Variants in DPH3 observed in about 807,000 individuals in gnomAD.
DPH3 encodes the protein diphthamide biosynthesis 3, also known as diphthamide biosynthesis protein 3.
A neutral mutation model predicts 10.2 loss-of-function variants in DPH3; 8 were observed. That is an observed-to-expected ratio of 0.79 (90% CI 0.46 to 1.42). DPH3 has a LOEUF of 1.42. Among genes scored for constraint, DPH3 ranks in the 40% most tolerant of loss-of-function variants. The probability of loss-of-function intolerance (pLI) is 0.00; values close to 1 mark genes in which losing one functional copy is unlikely to be tolerated. For synonymous variants in DPH3, 35 were observed against 35.6 expected, an observed-to-expected ratio of 0.98 and a Z score of 0.06; for missense variants, 96 against 98.9, an observed-to-expected ratio of 0.97 and a Z score of 0.12.
At chr3:16,264,602 G>A (rs2064362601) in intron 1 of DPH3, 167 bp downstream of exon 1, 4 of 687,146 alleles carry the variant, frequency 5.8e-6, no homozygotes, top group Non-Finnish European at 9.8e-6. Flanking sequence ...TACCGAGAGA[G>A]CTCAGGGCAT....
rs1470875493 is a variant in DPH3, at chr3:16,264,823, G to A, written c.54C>T (p.Asp18=). 1.2e-6 allele frequency: 2 copies of A among 1,614,220 alleles called. No individual in the cohort carries two copies. The highest frequency in any genetic ancestry group is 1.7e-6 in the Non-Finnish European group (2 of 1,180,048). Residue 18 remains aspartate, a synonymous_variant, in exon 1 of 3, where the codon GAC becomes GAT. Coordinates refer to ENST00000488423, the MANE Select transcript of DPH3 (RefSeq NM_206831.3). ...VEIEDFQYDE[D]SETYFYPCPC... is the part of the protein sequence containing the mutation. The stretch of plus-strand genomic sequence containing the variant: ...GGCAGGGATAGAAATACGTCTCCGA[G>A]TCCTCGTCATATTGGAAGTCCTCGA...
Position 16,264,183 on chromosome 3 carries a change from G to A in DPH3, c.155C>T (p.Ser52Phe). The change falls in exon 2 of 3, where the codon TCT (serine) becomes TTT (phenylalanine). Residue 52 changes from serine to phenylalanine, a missense_variant. By Grantham distance (155) the Ser-to-Phe change is radical. Transcript: ENST00000488423. The part of the protein sequence containing the change: ...GEDVATCPSC[S>F]LIIKVIYDKD... ...GTCATAAATCACTTTTATAATGAGAGAGCAGCTAGGACACGTTGCCACGTC... is the reference window on the plus strand; with the variant it reads ...GTCATAAATCACTTTTATAATGAGAAAGCAGCTAGGACACGTTGCCACGTC... The A allele has an allele frequency of 5.6e-6, 9 of 1,611,016 alleles. No homozygotes were observed. Among genetic ancestry groups the A allele is most frequent in the Non-Finnish European group, 7.6e-6 (9 of 1,177,984 alleles).
rs1243179965 is a variant in DPH3 at position 16,259,034 on chromosome 3, G to A, written c.*1730C>T. 1 of 152,182 alleles carries A rather than the reference G, an allele frequency of 6.6e-6. No individual in the cohort carries two copies. Among genetic ancestry groups the A allele is most frequent in the East Asian group, 1.9e-4 (1 of 5,198 alleles). 9.4% of individuals were successfully genotyped at this position (152,182 alleles called of 1,614,324 possible). On this transcript the variant is annotated 3_prime_UTR_variant, in exon 3 of 3. Coordinates refer to ENST00000488423, the MANE Select transcript of DPH3 (RefSeq NM_206831.3). The stretch of plus-strand genomic sequence containing the variant: ...ACCCACATCAAGGGTGTCTGTTCGT[G>A]TTTGAAACTCATCAGCATCAGAAAG...
At chr3:16,264,477 T>C (rs373785378) in intron 1 of DPH3, 2 of 539,316 alleles carry the variant, frequency 3.7e-6, no homozygotes, top group Non-Finnish European at 3.3e-6. Flanking sequence ...AAAAAACGAG[T>C]CCCCTCCTCG....
Position 16,260,724 on chromosome 3 carries a change from T to G in DPH3, c.*40A>C, listed in dbSNP as rs186215216. On this transcript the variant is annotated 3_prime_UTR_variant, in exon 3 of 3. Transcript: ENST00000488423. ...TTGCATTCGATATTTCTATCTGGGC[T>G]CATTCCAAATGTTCAGGATTTGGAT... is the stretch of plus-strand genomic sequence containing the variant. The G allele has an allele frequency of 8.3e-6, 13 of 1,561,934 alleles. No individual in the cohort carries two copies. Among genetic ancestry groups the G allele is most frequent in the Non-Finnish European group, 1.1e-5 (13 of 1,134,736 alleles).
chr3:16,260,697 CT>C lies in DPH3; in HGVS notation c.*66del. On this transcript the variant is annotated 3_prime_UTR_variant, in exon 3 of 3. Transcript: ENST00000488423. ...ATGGTTGTCTCTGTGAAGCCAGTAG[CT>C]TTGCATTCGATATTTCTATCTGGGC... The C allele has an allele frequency of 2.8e-6, 4 of 1,413,602 alleles. No homozygotes were observed. Among genetic ancestry groups the C allele is most frequent in the Non-Finnish European group, 4.0e-6 (4 of 1,008,586 alleles). The allele number at this position is 1,413,602 out of a possible 1,614,324, so 87.6% of individuals were successfully genotyped here.
rs563295195 is a variant in DPH3 at position 16,259,279 on chromosome 3, T to G, written c.*1485A>C. The G allele has an allele frequency of 5.1e-4, 78 of 152,372 alleles. No homozygotes were observed. The highest frequency in any genetic ancestry group is 1.6e-3 in the African/African-American group (65 of 41,592). 9.4% of individuals were successfully genotyped at this position (152,372 alleles called of 1,614,324 possible). On this transcript the variant is annotated 3_prime_UTR_variant, in exon 3 of 3. Coordinates refer to ENST00000488423, the MANE Select transcript of DPH3 (RefSeq NM_206831.3). ...ATCCAGAATATGCCACATAATGTAC[T>G]GAGCATTTTCAGCTCGGTACATTAT...
Position 16,260,788 on chromosome 3 carries a change from G to A in DPH3, c.225C>T (p.Ala75=). ...TTCAGCATTTAACTAATTCTTTGTT[G>A]GCTGAAGGGGCTGGGACTGTTTCTC... is the stretch of plus-strand genomic sequence containing the variant. ...VCGETVPAPS[A]NKELVKC The change falls in exon 3 of 3, where the codon GCC becomes GCT. Residue 75 remains alanine, a synonymous_variant. Transcript: ENST00000488423. 1 of 1,613,752 alleles carries A rather than the reference G, an allele frequency of 6.2e-7. No homozygotes were observed. The highest frequency in any genetic ancestry group is 8.5e-7 in the Non-Finnish European group (1 of 1,179,764).
rs2064256173 is a variant in DPH3 at position 16,257,235 on chromosome 3, A to G, written c.*3529T>C. ...TTAGCTGTCATGTTTTATAGATACT[A>G]GCTCATTTAATCATTTTCACAAGGC... is the stretch of plus-strand genomic sequence containing the variant. On this transcript the variant is annotated 3_prime_UTR_variant, in exon 3 of 3. Coordinates refer to ENST00000488423, the MANE Select transcript of DPH3 (RefSeq NM_206831.3). Among the ~76,000 whole-genome samples, 1 of 152,208 alleles carries G rather than the reference A, an allele frequency of 6.6e-6. No individual in the cohort carries two copies. Among genetic ancestry groups the G allele is most frequent in the African/African-American group, 2.4e-5 (1 of 41,444 alleles).
At position 16,259,842 on chromosome 3, in the gene DPH3, A is replaced by G. The variant is rs189485472; in HGVS notation, c.*922T>C. The G allele has an allele frequency of 1.3e-5, 2 of 152,366 alleles. No individual in the cohort carries two copies. The highest frequency in any genetic ancestry group is 1.9e-4 in the East Asian group (1 of 5,188). 9.4% of individuals were successfully genotyped at this position (152,366 alleles called of 1,614,324 possible). On this transcript the variant is annotated 3_prime_UTR_variant, in exon 3 of 3. Coordinates refer to ENST00000488423, the MANE Select transcript of DPH3 (RefSeq NM_206831.3). The stretch of plus-strand genomic sequence containing the variant: ...TATGCCAAAAGCACAGCTACCAGCC[A>G]TGGAAATTTGACGTTAACCCCTACC...
In DPH3 at chr3:16,262,149, T is replaced by C. The variant is rs2124932843; in HGVS notation, c.184-1320A>G. On this transcript the variant is annotated intron_variant, in intron 2 of 2. Transcript: ENST00000488423. The surrounding 1 kb of genome is among the most constrained non-coding windows in gnomAD (Gnocchi z 4.7). ...AATTTCTACCACCTTAAACCCTCTC[T>C]TGATCCTCTATCACCACTGGTTACT... Among the ~76,000 whole-genome samples the C allele has an allele frequency of 6.6e-6, 1 of 152,362 alleles. No individual in the cohort carries two copies. Among genetic ancestry groups the C allele is most frequent in the South Asian group, 2.1e-4 (1 of 4,834 alleles).
intron 2 of DPH3, 73 bp downstream of exon 2, chr3:16,264,082 A>C: frequency 9.2e-7 from 1 of 1,085,072 alleles, no homozygotes; most frequent in Non-Finnish European, 1.3e-6. Flanking sequence ...TGCACTCATC[A>C]CTGACAAGCT....
At chr3:16,264,274 G>A in intron 1 of DPH3, 45 bp from the exon 2 acceptor site, 3 of 1,482,122 alleles carry the variant, frequency 2.0e-6, no homozygotes, top group South Asian at 1.3e-5. Flanking sequence ...GCTTCTCTTC[G>A]CCATCTCCTC....
chr3:16,264,395 T>C (rs1026744733), intron 1 of DPH3, 166 bp from the exon 2 acceptor site: 4 of 552,926 alleles, frequency 7.2e-6, no homozygotes, highest in Admixed American at 6.6e-5. Flanking sequence ...CATTTTCCCC[T>C]AGAAGCGTCA....
chr3:16,260,808 T>A lies in DPH3; in HGVS notation c.205A>T (p.Thr69Ser). The change falls in exon 3 of 3, where the codon ACA (threonine) becomes TCA (serine). Residue 69 changes from threonine (T) to serine (S), a missense_variant. Physicochemically the swap from Thr to Ser is moderately conservative, Grantham distance 58. Coordinates refer to ENST00000488423, the MANE Select transcript of DPH3 (RefSeq NM_206831.3). ...YDKDQFVCGE[T>S]VPAPSANKEL... ...TTGTTGGCTGAAGGGGCTGGGACTGTTTCTCCACACACAAACTGATCCTAA... is the reference window on the plus strand; with the variant it reads ...TTGTTGGCTGAAGGGGCTGGGACTGATTCTCCACACACAAACTGATCCTAA... 8 of 1,613,870 alleles carry A rather than the reference T, an allele frequency of 5.0e-6. No homozygotes were observed. The highest frequency in any genetic ancestry group is 6.8e-6 in the Non-Finnish European group (8 of 1,179,840).
Position 16,264,810 on chromosome 3 carries a change from A to T in DPH3, c.67T>A (p.Phe23Ile), listed in dbSNP as rs570878564. Residue 23 changes from phenylalanine (F) to isoleucine (I), a missense_variant, in exon 1 of 3, where the codon TTC (phenylalanine) becomes ATC (isoleucine). Physicochemically the swap from Phe to Ile is conservative, Grantham distance 21 (BLOSUM62 0). Coordinates refer to ENST00000488423, the MANE Select transcript of DPH3 (RefSeq NM_206831.3). ...FQYDEDSETY[F>I]YPCPCGDNFS... The stretch of plus-strand genomic sequence containing the variant: ...TTATCTCCACATGGGCAGGGATAGA[A>T]ATACGTCTCCGAGTCCTCGTCATAT... The T allele has an allele frequency of 6.2e-7, 1 of 1,614,192 alleles. No individual in the cohort carries two copies. The highest frequency in any genetic ancestry group is 2.2e-5 in the East Asian group (1 of 44,872).
intron 1 of DPH3, 39 bp from the exon 2 acceptor site, chr3:16,264,268 C>A: frequency 6.5e-7 from 1 of 1,529,780 alleles, no homozygotes; most frequent in Non-Finnish European, 8.9e-7. Context: ...AGGATAGCTT[C>A]TCTTCGCCAT....
Position 16,264,824 on chromosome 3 carries a change from T to C in DPH3, c.53A>G (p.Asp18Gly). Reference sequence around the variant, plus strand: ...GCAGGGATAGAAATACGTCTCCGAGTCCTCGTCATATTGGAAGTCCTCGAT... The same window carrying C: ...GCAGGGATAGAAATACGTCTCCGAGCCCTCGTCATATTGGAAGTCCTCGAT... ...VEIEDFQYDEDSETYFYPCPC... is the reference protein window; with the variant it reads ...VEIEDFQYDEGSETYFYPCPC... Residue 18 changes from aspartate (D) to glycine (G), a missense_variant, in exon 1 of 3, where the codon GAC (aspartate) becomes GGC (glycine). Asp to Gly is a moderately conservative substitution (Grantham distance 94). Coordinates refer to ENST00000488423, the MANE Select transcript of DPH3 (RefSeq NM_206831.3). The C allele has an allele frequency of 6.2e-7, 1 of 1,614,180 alleles. No homozygotes were observed. Among genetic ancestry groups the C allele is most frequent in the Non-Finnish European group, 8.5e-7 (1 of 1,180,038 alleles).
Position 16,262,530 on chromosome 3 carries a change from T to G in DPH3, c.183+1625A>C, listed in dbSNP as rs767957177. Among the ~76,000 whole-genome samples, 3 of 152,212 alleles carry G rather than the reference T, an allele frequency of 2.0e-5. No individual in the cohort carries two copies. The highest frequency in any genetic ancestry group is 2.9e-5 in the Non-Finnish European group (2 of 68,028). ...TGATTCCTCGCTTCCCTCCCTGACTTTTTAATACTGTAGTGCCTTAAGGCT... is the reference window on the plus strand; with the variant it reads ...TGATTCCTCGCTTCCCTCCCTGACTGTTTAATACTGTAGTGCCTTAAGGCT... On this transcript the variant is annotated intron_variant, in intron 2 of 2. Coordinates refer to ENST00000488423, the MANE Select transcript of DPH3 (RefSeq NM_206831.3). The surrounding 1 kb of genome is among the most constrained non-coding windows in gnomAD (Gnocchi z 4.7).
Sources: allele counts gnomAD v4.1 joint callset (sites outside exome capture counted in the v4.1 genomes callset), GRCh38; gene constraint gnomAD v4.1.1; non-coding constraint Gnocchi (gnomAD v3.1); transcripts MANE v1.5; gene names NCBI Gene and HGNC (gene_info 2026-07-23, HGNC 2026-07-21).